LPIN1: variants seen among roughly 807,000 people sequenced by gnomAD.
LPIN1 encodes the protein lipin 1.
LPIN1 carries 71 observed loss-of-function variants against 107.5 expected under a neutral mutation model. The observed-to-expected ratio is 0.66, with a 90% CI of 0.55 to 0.80. The LOEUF is 0.80. Ranked by LOEUF, LPIN1 falls within the 30% of genes least tolerant of loss-of-function variation. The probability of loss-of-function intolerance (pLI) is 0.00; values close to 1 mark genes in which losing one functional copy is unlikely to be tolerated. For missense variants in LPIN1, 1,043 were observed against 1,160.6 expected (o/e 0.90, Z 1.47); for synonymous variants, 445 against 452.6 (o/e 0.98, Z 0.21).
intron 3 of LPIN1, among the ~76,000 whole-genome samples, chr2:11,770,501 A>G (rs1382150506): frequency 6.6e-6 from 1 of 152,170 alleles, no homozygotes; most frequent in African/African-American, 2.4e-5. Flanking sequence ...GCTCCAGTCC[A>G]GCAGCCGGGT....
chr2:11,733,314 A>G (rs1483218496), intron 1 of LPIN1, among the ~76,000 whole-genome samples: 2 of 152,152 alleles, frequency 1.3e-5, no homozygotes, highest in South Asian at 2.1e-4. Context: ...CCTCATATAC[A>G]TTGGAGCCTG....
intron 13 of LPIN1, among the ~76,000 whole-genome samples, 153 bp from the exon 14 acceptor site, chr2:11,795,255 C>T (rs369578918): frequency 7.9e-5 from 12 of 152,282 alleles, no homozygotes; most frequent in African/African-American, 2.2e-4. Flanking sequence ...CAAACACAGC[C>T]AGAGCCTCCT....
intron 1 of LPIN1, among the ~76,000 whole-genome samples, chr2:11,698,285 G>A (rs1238482785): frequency 6.6e-6 from 1 of 152,240 alleles, no homozygotes; most frequent in Non-Finnish European, 1.5e-5. Flanking sequence ...TGTCTCAGGA[G>A]ACCAGATGCT....
In LPIN1 at chr2:11,786,072, TG is replaced by T. The variant is rs1268491615; in HGVS notation, c.1549+998del. 6.6e-6 allele frequency among the ~76,000 whole-genome samples: 1 copy of T among 151,608 alleles called. No individual in the cohort carries two copies. The highest frequency in any genetic ancestry group is 2.4e-5 in the African/African-American group (1 of 41,190). On this transcript the variant is annotated intron_variant, in intron 10 of 20. Coordinates refer to ENST00000674199, the MANE Select transcript of LPIN1 (RefSeq NM_001349206.2). This position sits in a 1 kb window ranked among gnomAD's most constrained non-coding sequence, Gnocchi z 4.1. ...TATACATGAGCTGGTGGGGGTGGGGTGGCAGCACTGACAAGGCTGGGCACCG... is the reference window on the plus strand; with the variant it reads ...TATACATGAGCTGGTGGGGGTGGGGTGCAGCACTGACAAGGCTGGGCACCG...
intron 1 of LPIN1, among the ~76,000 whole-genome samples, chr2:11,708,758 C>A (rs902715400): frequency 6.6e-6 from 1 of 151,994 alleles, no homozygotes; most frequent in East Asian, 1.9e-4. Context: ...ACCCAGCAAG[C>A]CAGGGTTAGA....
At chr2:11,760,718 G>T (rs986596900) in intron 1 of LPIN1, among the ~76,000 whole-genome samples, 2 of 152,114 alleles carry the variant, frequency 1.3e-5, no homozygotes, top group Non-Finnish European at 2.9e-5. Flanking sequence ...ATGGGGAGGG[G>T]GAGGGGGAGG....
intron 1 of LPIN1, among the ~76,000 whole-genome samples, chr2:11,705,167 G>A (rs749882814): frequency 2.0e-5 from 3 of 152,308 alleles, no homozygotes; most frequent in African/African-American, 7.2e-5. Context: ...TGCAGATGGT[G>A]TGGTGTTGTG....
In LPIN1 at chr2:11,787,296, T is replaced by G. The variant is rs1674760520; in HGVS notation, c.1643+129T>G. ...GACTTTGCTACATTGCATTATTGCATTATCTTCACTGTGGTCAGGGTTCCA... is the reference window on the plus strand; with the variant it reads ...GACTTTGCTACATTGCATTATTGCAGTATCTTCACTGTGGTCAGGGTTCCA... On this transcript the variant is annotated intron_variant, in intron 11 of 20. Coordinates refer to ENST00000674199, the MANE Select transcript of LPIN1 (RefSeq NM_001349206.2). 1.7e-5 allele frequency: 12 copies of G among 718,352 alleles called. No individual in the cohort carries two copies. The South Asian group carries it at 1.9e-4, about 11-fold the overall frequency. 44.5% of individuals were successfully genotyped at this position (718,352 alleles called of 1,614,324 possible).
chr2:11,723,012 AG>A (rs1664264561), upstream of LPIN1, among the ~76,000 whole-genome samples: 2 of 152,246 alleles, frequency 1.3e-5, no homozygotes, highest in South Asian at 4.1e-4. Flanking sequence ...CATACTTTGT[AG>A]GACTCTGCAG....
At chr2:11,788,318 A>G in intron 11 of LPIN1, 69 bp from the exon 12 acceptor site, 2 of 1,224,616 alleles carry the variant, frequency 1.6e-6, no homozygotes, top group Non-Finnish European at 2.4e-6. Context: ...TGACTACTTT[A>G]TATGACATTG....
intron 2 of LPIN1, among the ~76,000 whole-genome samples, chr2:11,766,836 T>C (rs534175379): frequency 2.6e-5 from 4 of 152,064 alleles, no homozygotes; most frequent in Non-Finnish European, 4.4e-5. Context: ...CAGTGCACAG[T>C]CTTTTGAAAG....
At chr2:11,816,712 C>T (rs964852624) in intron 18 of LPIN1, 3 of 150,770 alleles carry the variant, frequency 2.0e-5, no homozygotes, top group African/African-American at 4.9e-5. Context: ...GAATTGCTAG[C>T]GAAGGCTGCC....
In LPIN1 at chr2:11,752,433, A is replaced by ATTTTTTTTTTTTTTTT. The variant is rs34156190; in HGVS notation, c.-10+5763_-10+5778dup. 2.5e-4 allele frequency among the ~76,000 whole-genome samples: 26 copies of ATTTTTTTTTTTTTTTT among 103,860 alleles called. 2 individuals carry two copies. The highest frequency in any genetic ancestry group is 7.9e-4 in the African/African-American group (14 of 17,694). 68.1% of individuals were successfully genotyped at this position (103,860 alleles called of 152,430 possible). ...TTTTCTTTTGAGCTGTTCCAAGGCC[A>ATTTTTTTTTTTTTTTT]TTTTTTTTTTTTTTTTGAGACGGAG... is the stretch of plus-strand genomic sequence containing the variant. On this transcript the variant is annotated intron_variant, in intron 1 of 20. Coordinates refer to ENST00000674199, the MANE Select transcript of LPIN1 (RefSeq NM_001349206.2).
At chr2:11,797,367 A>T (rs1676904606) in intron 14 of LPIN1, among the ~76,000 whole-genome samples, 1 of 152,246 alleles carries the variant, frequency 6.6e-6, no homozygotes, top group African/African-American at 2.4e-5. Context: ...TCCAGAGTGC[A>T]GAAACCAATT....
chr2:11,696,474 A>G (rs1662586571), intron 1 of LPIN1, among the ~76,000 whole-genome samples: 1 of 152,122 alleles, frequency 6.6e-6, no homozygotes, highest in Admixed American at 6.5e-5. Context: ...TATAGTCTAT[A>G]TATTAAAAAG....
chr2:11,751,249 CCCCTGTCCAGCA>C (rs1222255924), intron 1 of LPIN1, among the ~76,000 whole-genome samples: 4 of 151,558 alleles, frequency 2.6e-5, no homozygotes, highest in Non-Finnish European at 5.9e-5. Context: ...AGCAGGAGTA[CCCCTGTCCAGCA>C]CCCTGTCCTG....
At chr2:11,762,822 A>G (rs1399254533) in intron 1 of LPIN1, among the ~76,000 whole-genome samples, 8 of 152,198 alleles carry the variant, frequency 5.3e-5, no homozygotes, top group Admixed American at 5.2e-4. Flanking sequence ...CTTTCTACAC[A>G]GCAGGTTTGT....
At chr2:11,787,206 T>A in intron 11 of LPIN1, 39 bp downstream of exon 11, 1 of 1,327,558 alleles carries the variant, frequency 7.5e-7, no homozygotes, top group Non-Finnish European at 1.1e-6. Context: ...AGTAGCATGA[T>A]ACTGTTTCTG....
chr2:11,788,201 G>A (rs1675000359), intron 11 of LPIN1, among the ~76,000 whole-genome samples, 186 bp from the exon 12 acceptor site: 1 of 152,170 alleles, frequency 6.6e-6, no homozygotes, highest in Non-Finnish European at 1.5e-5. Context: ...ACTGGCCGCT[G>A]GGGTGAGGTG....
Sources: allele counts gnomAD v4.1 joint callset (sites outside exome capture counted in the v4.1 genomes callset), GRCh38; gene constraint gnomAD v4.1.1; non-coding constraint Gnocchi (gnomAD v3.1); transcripts MANE v1.5; gene names NCBI Gene and HGNC (gene_info 2026-07-23, HGNC 2026-07-21).